DAB1: variants seen among roughly 807,000 people sequenced by gnomAD.
DAB1 encodes disabled homolog 1.
In DAB1, 15 loss-of-function variants were observed where a neutral mutation model predicts 64.6. The ratio of observed to expected loss-of-function variants is 0.23; its 90% CI spans 0.16 to 0.36. The LOEUF (loss-of-function observed/expected upper bound fraction) is 0.36. Ranked by LOEUF, DAB1 falls within the 10% of genes least tolerant of loss-of-function variation. The pLI is 1.00. For synonymous variants in DAB1, 235 were observed against 251.9 expected, an observed-to-expected ratio of 0.93 and a Z score of 0.64; for missense variants, 596 against 706.7, an observed-to-expected ratio of 0.84 and a Z score of 1.78.
chr1:57,605,662 C>G (rs1263541728), intron 7 of DAB1, among the ~76,000 whole-genome samples: 2 of 152,122 alleles, frequency 1.3e-5, no homozygotes, highest in African/African-American at 4.8e-5. Flanking sequence ...TTCTTATGAT[C>G]TTAAGAACAA....
At chr1:57,467,827 G>A (rs1352301176) in intron 7 of DAB1, among the ~76,000 whole-genome samples, 1 of 152,148 alleles carries the variant, frequency 6.6e-6, no homozygotes, top group Non-Finnish European at 1.5e-5. Flanking sequence ...ACTTTACAGT[G>A]GGCAGAAAGA....
chr1:57,702,356 A>G (rs1646917251), intron 6 of DAB1, among the ~76,000 whole-genome samples: 1 of 152,148 alleles, frequency 6.6e-6, no homozygotes, highest in African/African-American at 2.4e-5. Context: ...AGCTATGGAT[A>G]TTTATAACTC....
At chr1:57,315,225 G>A (rs889065737) in intron 1 of DAB1, among the ~76,000 whole-genome samples, 4 of 152,102 alleles carry the variant, frequency 2.6e-5, no homozygotes, top group African/African-American at 9.7e-5. Flanking sequence ...GCCTCCTTGT[G>A]TCCTCATACC....
At chr1:57,754,224 C>T (rs985514441) in intron 6 of DAB1, among the ~76,000 whole-genome samples, 1 of 152,236 alleles carries the variant, frequency 6.6e-6, no homozygotes, top group Non-Finnish European at 1.5e-5. Context: ...GCAGCTACTA[C>T]ATACGTGGGC....
At chr1:58,082,473 C>T (rs1650055050) in intron 5 of DAB1, among the ~76,000 whole-genome samples, 1 of 151,626 alleles carries the variant, frequency 6.6e-6, no homozygotes, top group Non-Finnish European at 1.5e-5. Flanking sequence ...AAAGACTTTC[C>T]TGTCTCGTGA....
rs111701127 is a variant in DAB1 at position 57,760,375 on chromosome 1, A to G, written n.552-110710T>C. Among the ~76,000 whole-genome samples, 692 of 152,220 alleles carry G rather than the reference A, an allele frequency of 4.5e-3. 6 individuals carry two copies. The highest frequency in any genetic ancestry group is 0.016 in the African/African-American group (660 of 41,544). On this transcript the variant is annotated intron_variant and non_coding_transcript_variant, in intron 6 of 20. Transcript: ENST00000485760. The stretch of plus-strand genomic sequence containing the variant: ...TACTTCTTGAATTTAAAAGCTGTCA[A>G]ATAAAATATAAAGCATTTTTTTTAC...
intron 9 of DAB1, among the ~76,000 whole-genome samples, chr1:57,030,841 A>G (rs750615993): frequency 1.3e-5 from 2 of 152,232 alleles, no homozygotes; most frequent in Non-Finnish European, 2.9e-5. Flanking sequence ...AGGAATGTTT[A>G]TTTAATCAAT....
At position 57,655,782 on chromosome 1, in the gene DAB1, A is replaced by T. The variant is rs56023762; in HGVS notation, n.552-6117T>A. ...AACTTTTGTAAAATATACAATAGAA[A>T]TTTAGAGTTTGGAGAAAAATTTAAA... On this transcript the variant is annotated intron_variant and non_coding_transcript_variant, in intron 6 of 20. Coordinates refer to the DAB1 transcript ENST00000485760. Among the ~76,000 whole-genome samples the T allele has an allele frequency of 5.1e-3, 772 of 152,324 alleles. 3 individuals are homozygous for T. The highest frequency in any genetic ancestry group is 7.6e-3 in the Non-Finnish European group (519 of 68,032).
intron 3 of DAB1, among the ~76,000 whole-genome samples, chr1:58,419,658 T>C (rs924929300): frequency 6.6e-6 from 1 of 152,172 alleles, no homozygotes; most frequent in Non-Finnish European, 1.5e-5. Context: ...AGCTTCCCCG[T>C]AGGTGTAGCC....
In DAB1 at chr1:57,694,660, T is replaced by C. The variant is rs1207097846; in HGVS notation, n.552-44995A>G. ...ACTAAGGATATTTTTTAATGATGTA[T>C]GTGTATCATTTTAATCAGATAAAAA... On this transcript the variant is annotated intron_variant and non_coding_transcript_variant, in intron 6 of 20. Coordinates refer to the DAB1 transcript ENST00000485760. Among the ~76,000 whole-genome samples, 3 of 152,166 alleles carry C rather than the reference T, an allele frequency of 2.0e-5. No homozygotes were observed. In the East Asian group the frequency reaches 5.8e-4, roughly 29 times the overall value.
At chr1:57,068,460 A>G (rs1395046739) in intron 8 of DAB1, among the ~76,000 whole-genome samples, 1 of 152,224 alleles carries the variant, frequency 6.6e-6, no homozygotes, top group African/African-American at 2.4e-5. Flanking sequence ...TTTGACAGAA[A>G]TTGAAAATAT....
intron 5 of DAB1, among the ~76,000 whole-genome samples, chr1:58,110,440 C>T (rs1438704244): frequency 6.6e-6 from 1 of 152,164 alleles, no homozygotes; most frequent in African/African-American, 2.4e-5. Context: ...TCTAACAGCT[C>T]TTATTTACTG....
At chr1:57,091,415 C>T (rs1023537441) in intron 4 of DAB1, among the ~76,000 whole-genome samples, 1 of 152,094 alleles carries the variant, frequency 6.6e-6, no homozygotes, top group African/African-American at 2.4e-5. Context: ...TATTTTAAAG[C>T]TCTATGTAAT....
chr1:58,469,735 C>T (rs960520331), intron 3 of DAB1, among the ~76,000 whole-genome samples: 7 of 152,160 alleles, frequency 4.6e-5, no homozygotes, highest in African/African-American at 9.7e-5. Context: ...AGGGAGAAGC[C>T]ATTGGGGATT....
At chr1:57,717,212 G>A (rs938539896) in intron 6 of DAB1, among the ~76,000 whole-genome samples, 28 of 151,770 alleles carry the variant, frequency 1.8e-4, no homozygotes, top group African/African-American at 6.8e-4. Flanking sequence ...ACTCCAGCCT[G>A]GGCGACAGAG....
At chr1:58,257,398 C>T (rs533618928) in intron 4 of DAB1, among the ~76,000 whole-genome samples, 60 of 152,314 alleles carry the variant, frequency 3.9e-4, no homozygotes, top group African/African-American at 1.4e-3. Context: ...CTCTCCAAAC[C>T]ATGCATCAGG....
At chr1:57,520,611 T>A (rs1167264192) in intron 7 of DAB1, among the ~76,000 whole-genome samples, 1 of 152,176 alleles carries the variant, frequency 6.6e-6, no homozygotes, top group Non-Finnish European at 1.5e-5. Flanking sequence ...TTAGACATTG[T>A]TATACTGCTA....
At chr1:57,682,483 G>C (rs1358177761) in intron 6 of DAB1, among the ~76,000 whole-genome samples, 1 of 151,436 alleles carries the variant, frequency 6.6e-6, no homozygotes, top group Non-Finnish European at 1.5e-5. Context: ...AAAACATGGA[G>C]AGTGGATGGA....
chr1:57,232,930 G>A (rs952113565), intron 2 of DAB1, among the ~76,000 whole-genome samples: 4 of 152,184 alleles, frequency 2.6e-5, no homozygotes, highest in African/African-American at 9.7e-5. Context: ...CCAGTAAAAT[G>A]TTCAGCAGGC....
Sources: gnomAD v4.1 joint callset for allele counts (sites outside exome capture counted in the v4.1 genomes callset) on GRCh38, gnomAD v4.1.1 for gene constraint, MANE v1.5 for transcripts, NCBI Gene and HGNC (gene_info 2026-07-23, HGNC 2026-07-21) for gene names.